The following MS4A18 variants were observed in gnomAD, a reference collection of about 807,000 sequenced individuals.
MS4A18 encodes the protein membrane-spanning 4-domains subfamily A member 18.
Under a neutral mutation model 13.1 loss-of-function variants are expected in MS4A18, and 27 were observed. The observed-to-expected ratio is 2.06, with a 90% CI of 1.52 to 2.84. MS4A18 has a LOEUF of 2.84. Ranked by LOEUF, MS4A18 falls within the 30% of genes most tolerant of loss-of-function variation. The probability of loss-of-function intolerance (pLI) is 0.00; values close to 1 mark genes in which losing one functional copy is unlikely to be tolerated. For synonymous variants in MS4A18, 126 were observed against 76.5 expected (o/e 1.65, Z -3.38); for missense variants, 307 against 196.4 (o/e 1.56, Z -3.37).
intron 4 of MS4A18, 60 bp downstream of exon 5, chr11:60,739,057 G>A (rs1238873778): frequency 4.3e-6 from 3 of 696,508 alleles, no homozygotes; most frequent in Non-Finnish European, 7.9e-6. Context: ...TTCTGAGGTT[G>A]CCTCCCCAGA....
chr11:60,733,094 A>G (rs1853281318), intron 1 of MS4A18, among the ~76,000 whole-genome samples: 1 of 152,194 alleles, frequency 6.6e-6, no homozygotes, highest in Admixed American at 6.5e-5. Context: ...CTAGGATTTG[A>G]CATTTTTGGT....
chr11:60,730,071 T>C (rs561707793), intron 1 of MS4A18, among the ~76,000 whole-genome samples: 267 of 152,296 alleles, frequency 1.8e-3, no homozygotes, highest in Admixed American at 3.3e-3. Flanking sequence ...GGGTCAGCAA[T>C]AGTTCCACTA....
At chr11:60,730,840 A>T (rs1430714597) in intron 1 of MS4A18, among the ~76,000 whole-genome samples, 1 of 152,202 alleles carries the variant, frequency 6.6e-6, no homozygotes, top group African/African-American at 2.4e-5. Flanking sequence ...CATGCCTGTA[A>T]TCCCAGCACT....
intron 2 of MS4A18, among the ~76,000 whole-genome samples, chr11:60,735,191 T>A (rs1405097847): frequency 6.6e-6 from 1 of 152,238 alleles, no homozygotes; most frequent in African/African-American, 2.4e-5. Context: ...TAAATTAAAT[T>A]AAAGTTTTAA....
upstream of MS4A18, among the ~76,000 whole-genome samples, chr11:60,727,030 T>C (rs1314060435): frequency 6.6e-6 from 1 of 152,132 alleles, no homozygotes; most frequent in Non-Finnish European, 1.5e-5. Flanking sequence ...TCTGTTCCTG[T>C]GTTAGTTTGC....
intron 5 of MS4A18, among the ~76,000 whole-genome samples, chr11:60,741,596 C>T (rs892972401): frequency 6.6e-6 from 1 of 152,180 alleles, no homozygotes; most frequent in African/African-American, 2.4e-5. Flanking sequence ...CCACTGGTCA[C>T]AGTCAGTCAC....
At chr11:60,727,743 G>A (rs1274478898), upstream of MS4A18, among the ~76,000 whole-genome samples, 1 of 152,168 alleles carries the variant, frequency 6.6e-6, no homozygotes, top group East Asian at 1.9e-4. Flanking sequence ...CAATTAACAA[G>A]TAAAGTACAC....
At chr11:60,731,933 T>C (rs1853260024) in intron 1 of MS4A18, among the ~76,000 whole-genome samples, 1 of 152,176 alleles carries the variant, frequency 6.6e-6, no homozygotes, top group South Asian at 2.1e-4. Context: ...TTTTTCTAAA[T>C]GGGAACAGGG....
chr11:60,728,400 A>G (rs1226526404), upstream of MS4A18, among the ~76,000 whole-genome samples: 2 of 143,898 alleles, frequency 1.4e-5, no homozygotes, highest in South Asian at 2.2e-4. Flanking sequence ...GTATGTGTGT[A>G]TGTATGTGTG....
chr11:60,741,416 C>G (rs376845616), intron 5 of MS4A18, among the ~76,000 whole-genome samples: 1 of 152,150 alleles, frequency 6.6e-6, no homozygotes, highest in African/African-American at 2.4e-5. Flanking sequence ...GATGGTTGGT[C>G]TCCAGGGACC....
exon 1 of MS4A18, chr11:60,729,630 G>A (rs564269255): frequency 2.0e-5 from 14 of 702,732 alleles, no homozygotes; most frequent in Middle Eastern, 2.3e-4. Context: ...AGGGAACCAC[G>A]AATCTCCAGA....
intron 5 of MS4A18, among the ~76,000 whole-genome samples, chr11:60,742,799 T>A (rs1485274797): frequency 6.6e-6 from 1 of 152,212 alleles, no homozygotes; most frequent in Non-Finnish European, 1.5e-5. Flanking sequence ...TCCTTCTTTA[T>A]CCTCACTTTC....
At chr11:60,735,254 G>C (rs920866441) in intron 2 of MS4A18, among the ~76,000 whole-genome samples, 1 of 152,050 alleles carries the variant, frequency 6.6e-6, no homozygotes, top group Non-Finnish European at 1.5e-5. Flanking sequence ...AGCATCACAC[G>C]TGGTTTTTAA....
At chr11:60,731,158 C>T (rs537876617) in intron 1 of MS4A18, among the ~76,000 whole-genome samples, 3 of 152,070 alleles carry the variant, frequency 2.0e-5, no homozygotes, top group South Asian at 4.2e-4. Context: ...TAAATGTGTG[C>T]GGAAATCCTC....
At chr11:60,739,902 G>A (rs887203530) in intron 4 of MS4A18, among the ~76,000 whole-genome samples, 5 of 152,236 alleles carry the variant, frequency 3.3e-5, no homozygotes, top group East Asian at 1.9e-4. Context: ...CTAACCAAGT[G>A]GGCAAGGGAA....
At chr11:60,732,199 G>T (rs1346180588) in intron 1 of MS4A18, among the ~76,000 whole-genome samples, 1 of 152,112 alleles carries the variant, frequency 6.6e-6, no homozygotes, top group East Asian at 1.9e-4. Context: ...AATCTCTCTG[G>T]TCCTTAAGGG....
chr11:60,743,963 A>G (rs1229942910), exon 6 of MS4A18: 2 of 703,048 alleles, frequency 2.8e-6, no homozygotes, highest in South Asian at 1.5e-5. Flanking sequence ...CACACCAGCA[A>G]TGTACCCCCG....
At chr11:60,731,623 A>G (rs1162288854) in intron 1 of MS4A18, among the ~76,000 whole-genome samples, 1 of 152,232 alleles carries the variant, frequency 6.6e-6, no homozygotes, top group East Asian at 1.9e-4. Context: ...TGTTTTTAGT[A>G]GTAGTATTCC....
chr11:60,734,937 A>G (rs1231224924), intron 2 of MS4A18, among the ~76,000 whole-genome samples: 2 of 151,740 alleles, frequency 1.3e-5, no homozygotes, highest in African/African-American at 4.8e-5. Flanking sequence ...ATGTGCCACC[A>G]TGCCCGGCTA....
Sources: gnomAD v4.1 joint callset for allele counts (sites outside exome capture counted in the v4.1 genomes callset) on GRCh38, gnomAD v4.1.1 for gene constraint, MANE v1.5 for transcripts, NCBI Gene and HGNC (gene_info 2026-07-23, HGNC 2026-07-21) for gene names.